The following DTNA variants were observed in gnomAD, a reference collection of about 807,000 sequenced individuals.
DTNA encodes dystrobrevin alpha.
Under a neutral mutation model 100.7 loss-of-function variants are expected in DTNA, and 43 were observed. The ratio of observed to expected loss-of-function variants is 0.43; its 90% CI spans 0.33 to 0.55. The LOEUF (loss-of-function observed/expected upper bound fraction) is 0.55. DTNA is among the 20% of genes least tolerant of loss of function. DTNA has a pLI of 0.04. For synonymous variants in DTNA, 349 were observed against 347.9 expected, an observed-to-expected ratio of 1.00 and a Z score of -0.04; for missense variants, 798 against 953.9, an observed-to-expected ratio of 0.84 and a Z score of 2.15.
chr18:34,890,220 T>C lies in DTNA; in HGVS notation c.*2486T>C. On this transcript the variant is annotated 3_prime_UTR_variant, in exon 23 of 23. Transcript: ENST00000444659. ...CATCACATGGTTGTTGATATCGTCA[T>C]ATAAAGCCATTGCAAGGACTCTGGA... is the stretch of plus-strand genomic sequence containing the variant. 1 of 1,481,496 alleles carries C rather than the reference T, an allele frequency of 6.7e-7. No individual in the cohort carries two copies. The highest frequency in any genetic ancestry group is 8.9e-7 in the Non-Finnish European group (1 of 1,122,052). 91.8% of individuals were successfully genotyped at this position (1,481,496 alleles called of 1,614,324 possible). A position where few individuals can be genotyped will look rare whatever the true frequency, so the allele number is the denominator to read the frequency against.
At chr18:34,722,929 A>G (rs576025826) in intron 1 of DTNA, among the ~76,000 whole-genome samples, 1 of 152,242 alleles carries the variant, frequency 6.6e-6, no homozygotes, top group South Asian at 2.1e-4. Context: ...TTATCCATTC[A>G]TCTTTGATTA....
At chr18:34,536,437 AT>A (rs569502203) in intron 1 of DTNA, among the ~76,000 whole-genome samples, 260 of 152,056 alleles carry the variant, frequency 1.7e-3, no homozygotes, top group African/African-American at 6.0e-3. Context: ...CATGTTATTG[AT>A]TCTTTTAAAT....
chr18:34,611,857 G>A (rs12967706), intron 1 of DTNA, among the ~76,000 whole-genome samples: 1 of 152,218 alleles, frequency 6.6e-6, no homozygotes, highest in Non-Finnish European at 1.5e-5. Context: ...TCCGCTGGCA[G>A]AGGGGTCTCG....
At chr18:34,564,338 T>G (rs1467268881) in intron 1 of DTNA, among the ~76,000 whole-genome samples, 2 of 152,188 alleles carry the variant, frequency 1.3e-5, no homozygotes, top group Non-Finnish European at 2.9e-5. Flanking sequence ...GAGACAGGGT[T>G]TCACCATCTT....
intron 2 of DTNA, among the ~76,000 whole-genome samples, chr18:34,765,387 C>T (rs1037001778): frequency 6.6e-6 from 1 of 152,162 alleles, no homozygotes; most frequent in Admixed American, 6.5e-5. Flanking sequence ...TTACTGTGTG[C>T]CAGACGGTGT....
intron 15 of DTNA, among the ~76,000 whole-genome samples, chr18:34,854,058 G>A (rs1200413504): frequency 2.0e-5 from 3 of 152,134 alleles, no homozygotes; most frequent in African/African-American, 7.2e-5. Context: ...GCAGGCAGAG[G>A]GCTCGAAGCA....
intron 1 of DTNA, among the ~76,000 whole-genome samples, chr18:34,546,191 T>TG (rs1348268131): frequency 2.0e-5 from 3 of 152,028 alleles, no homozygotes; most frequent in Non-Finnish European, 4.4e-5. Flanking sequence ...ATAAAAAACA[T>TG]GGGTCTCCCC....
chr18:34,560,780 G>C (rs935531724), intron 1 of DTNA, among the ~76,000 whole-genome samples: 8 of 151,994 alleles, frequency 5.3e-5, no homozygotes, highest in South Asian at 2.1e-4. Context: ...AATTAGCCAG[G>C]CATAGTGGCG....
Position 34,888,517 on chromosome 18 carries a change from T to G in DTNA, c.*783T>G, listed in dbSNP as rs2096942037. On this transcript the variant is annotated 3_prime_UTR_variant, in exon 23 of 23. Transcript: ENST00000444659. Reference sequence around the variant, plus strand: ...AAGATACTCTAATCAGCCATAGAATTTAGTGTAAATATTTTTTTTTCCAAA... The same window carrying G: ...AAGATACTCTAATCAGCCATAGAATGTAGTGTAAATATTTTTTTTTCCAAA... 1.0e-6 allele frequency: 1 copy of G among 985,752 alleles called. No individual in the cohort carries two copies. The highest frequency in any genetic ancestry group is 1.2e-6 in the Non-Finnish European group (1 of 829,898). 61.1% of individuals were successfully genotyped at this position (985,752 alleles called of 1,614,324 possible). A position where few individuals can be genotyped will look rare whatever the true frequency, so the allele number is the denominator to read the frequency against.
At position 34,765,971 on chromosome 18, in the gene DTNA, T is replaced by C; in HGVS notation, c.78T>C (p.Asp26=). 1.9e-6 allele frequency: 3 copies of C among 1,613,814 alleles called. No individual in the cohort carries two copies. Among genetic ancestry groups the C allele is most frequent in the Non-Finnish European group, 2.5e-6 (3 of 1,179,758 alleles). Residue 26 remains aspartate (D), a synonymous_variant, in exon 3 of 23, where the codon GAT becomes GAC. Coordinates refer to ENST00000444659, the MANE Select transcript of DTNA (RefSeq NM_001386795.1). The part of the protein sequence containing the change: ...RQLFAEMRAQ[D]LDRIRLSTYR... Reference sequence around the variant, plus strand: ...TTTTCCCCGCACTAGGGGCTCAAGATCTGGATCGCATCCGACTCTCCACCT... The same window carrying C: ...TTTTCCCCGCACTAGGGGCTCAAGACCTGGATCGCATCCGACTCTCCACCT...
At chr18:34,688,625 G>T (rs1207159212) in intron 1 of DTNA, among the ~76,000 whole-genome samples, 1 of 152,070 alleles carries the variant, frequency 6.6e-6, no homozygotes, top group South Asian at 2.1e-4. Flanking sequence ...GTGTCTTGGG[G>T]TTGCTGTTCT....
In DTNA at chr18:34,766,026, C is replaced by T. The variant is rs770461858; in HGVS notation, c.133C>T (p.Gln45Ter). Residue 45 changes from glutamine (Q) to a stop codon, truncating the protein, a stop_gained, in exon 3 of 23, where the codon CAG (glutamine) becomes TAG (stop). Coordinates refer to ENST00000444659, the MANE Select transcript of DTNA (RefSeq NM_001386795.1). LOFTEE classifies it high-confidence loss of function. ...AACAGCATGCAAGCTTAGGTTTGTT[C>T]AGAAGAAATGCAATTGTAAGTATGC... ...YRTACKLRFV[Q>*]KKCNLHLVDI... 6.2e-7 allele frequency: 1 copy of T among 1,613,694 alleles called. No homozygotes were observed. Among genetic ancestry groups the T allele is most frequent in the Non-Finnish European group, 8.5e-7 (1 of 1,179,728 alleles).
intron 15 of DTNA, 84 bp downstream of exon 15, chr18:34,852,012 C>T (rs2096486372): frequency 2.1e-5 from 28 of 1,347,864 alleles, no homozygotes; most frequent in Non-Finnish European, 2.9e-5. Context: ...AGTTTCAGGG[C>T]TTTACACCCT....
intron 2 of DTNA, among the ~76,000 whole-genome samples, chr18:34,758,251 A>C (rs1301326799): frequency 6.6e-6 from 1 of 152,248 alleles, no homozygotes; most frequent in Non-Finnish European, 1.5e-5. Context: ...GACAGGGAGC[A>C]AAAAAGGACT....
At chr18:34,752,479 G>A (rs2092404390) in intron 1 of DTNA, among the ~76,000 whole-genome samples, 1 of 152,156 alleles carries the variant, frequency 6.6e-6, no homozygotes, top group Admixed American at 6.5e-5. Context: ...GAACTCATGA[G>A]CTTACTTTGT....
chr18:34,673,114 T>C (rs1234226018), intron 1 of DTNA, among the ~76,000 whole-genome samples: 1 of 152,100 alleles, frequency 6.6e-6, no homozygotes, highest in African/African-American at 2.4e-5. Context: ...TGAGAGAGGA[T>C]CTCACTCTGT....
chr18:34,704,438 T>C (rs2081858788), intron 1 of DTNA, among the ~76,000 whole-genome samples: 1 of 152,164 alleles, frequency 6.6e-6, no homozygotes, highest in South Asian at 2.1e-4. Flanking sequence ...TCTGGGAAAA[T>C]ACACCTAATA....
rs1247170377 is a variant in DTNA, at chr18:34,890,998, T to C, written c.*3264T>C. 1 of 152,682 alleles carries C rather than the reference T, an allele frequency of 6.5e-6. No homozygotes were observed. The highest frequency in any genetic ancestry group is 1.5e-5 in the Non-Finnish European group (1 of 68,118). The allele number at this position is 152,682 out of a possible 1,614,324, so 9.5% of individuals were successfully genotyped here. On this transcript the variant is annotated 3_prime_UTR_variant, in exon 23 of 23. Transcript: ENST00000444659. Reference sequence around the variant, plus strand: ...CCTTTGGTTGCTGCATTCCCCTTGGTTCGATTCCACGCAAGGAGCCACAAG... The same window carrying C: ...CCTTTGGTTGCTGCATTCCCCTTGGCTCGATTCCACGCAAGGAGCCACAAG...
At chr18:34,596,408 G>A (rs986956010) in intron 1 of DTNA, among the ~76,000 whole-genome samples, 10 of 151,990 alleles carry the variant, frequency 6.6e-5, no homozygotes, top group African/African-American at 1.9e-4. Flanking sequence ...TAGTAGAGTC[G>A]GGTTTTCAAC....
Sources: gnomAD v4.1 joint callset for allele counts (sites outside exome capture counted in the v4.1 genomes callset) on GRCh38, gnomAD v4.1.1 for gene constraint, MANE v1.5 for transcripts, NCBI Gene and HGNC (gene_info 2026-07-23, HGNC 2026-07-21) for gene names.